The following SARNP variants were observed in gnomAD, a reference collection of about 807,000 sequenced individuals.
SARNP encodes the protein SAP domain containing ribonucleoprotein.
In SARNP, 5 loss-of-function variants were observed where a neutral mutation model predicts 38.1. The observed-to-expected ratio is 0.13, with a 90% CI of 0.07 to 0.28. The LOEUF is 0.28. Among genes scored for constraint, SARNP ranks in the 10% least tolerant of loss-of-function variants. SARNP has a pLI of 1.00. For missense variants in SARNP, 180 were observed against 243.9 expected, an observed-to-expected ratio of 0.74 and a Z score of 1.75; for synonymous variants, 84 against 80.6, an observed-to-expected ratio of 1.04 and a Z score of -0.23.
intron 9 of SARNP, among the ~76,000 whole-genome samples, chr12:55,785,576 G>A (rs1289110855): frequency 6.6e-6 from 1 of 151,750 alleles, no homozygotes; most frequent in Non-Finnish European, 1.5e-5. Flanking sequence ...ATCACTTGAG[G>A]CCAAAGTTGA....
At position 55,794,859 on chromosome 12, in the gene SARNP, G is replaced by A. The variant is rs1879774700; in HGVS notation, c.325C>T (p.Arg109Ter). 4 of 1,582,020 alleles carry A rather than the reference G, an allele frequency of 2.5e-6. No homozygotes were observed. The highest frequency in any genetic ancestry group is 8.6e-7 in the Non-Finnish European group (1 of 1,161,108). The change falls in exon 6 of 11, where the codon CGA (arginine) becomes TGA (stop). Residue 109 changes from arginine to a stop codon, truncating the protein, a stop_gained. Coordinates refer to ENST00000336133, the MANE Select transcript of SARNP (RefSeq NM_033082.4). LOFTEE classifies it high-confidence loss of function. ...QTERMQKRAERFNVPVSLESK... is the reference protein window; with the variant it reads ...QTERMQKRAE ...TCCAAGCTCACAGGTACATTGAATC[G>A]TTCAGCCCTCTTCTGCATTCTCTAA...
intron 1 of SARNP, among the ~76,000 whole-genome samples, chr12:55,808,911 C>G (rs982182946): frequency 1.3e-5 from 2 of 152,172 alleles, no homozygotes; most frequent in Non-Finnish European, 2.9e-5. Context: ...AATCTTATCC[C>G]ATTTTTCTAA....
intron 1 of SARNP, among the ~76,000 whole-genome samples, chr12:55,809,264 G>T (rs1352646484): frequency 6.6e-6 from 1 of 151,384 alleles, no homozygotes; most frequent in African/African-American, 2.4e-5. Context: ...TACGTGAATT[G>T]TATCTCAGTA....
rs560343139 is a variant in SARNP at position 55,757,403 on chromosome 12, T to C, written c.*109A>G. On this transcript the variant is annotated 3_prime_UTR_variant, in exon 11 of 11. Transcript: ENST00000336133. ...TGTACCTGGGGTACATGCTCCCTCA[T>C]TGCGAGGCAGGACGTAGGCACATGA... 3.2e-4 allele frequency: 269 copies of C among 828,266 alleles called. 2 individuals are homozygous for C. The East Asian group carries it at 6.4e-3, about 20-fold the overall frequency. 51.3% of individuals were successfully genotyped at this position (828,266 alleles called of 1,614,324 possible). A position where few individuals can be genotyped will look rare whatever the true frequency, so the allele number is the denominator to read the frequency against.
chr12:55,794,764 T>C (rs1468827585), intron 6 of SARNP, 43 bp downstream of exon 6: 3 of 1,144,240 alleles, frequency 2.6e-6, no homozygotes, highest in Non-Finnish European at 2.6e-6. Context: ...TCTTCATCTT[T>C]ACAACACCCC....
chr12:55,801,497 G>A (rs1001686074), intron 2 of SARNP, among the ~76,000 whole-genome samples: 4 of 152,060 alleles, frequency 2.6e-5, no homozygotes, highest in African/African-American at 9.7e-5. Flanking sequence ...TAGTGGTGGG[G>A]AAAGATTTGT....
chr12:55,761,504 A>G (rs1406694986), intron 9 of SARNP: 3 of 152,164 alleles, frequency 2.0e-5, no homozygotes, highest in Admixed American at 6.5e-5. Flanking sequence ...GCCATGGTCA[A>G]CTCTCTAAGA....
At chr12:55,800,941 A>T in intron 2 of SARNP, 41 bp from the exon 3 acceptor site, 1 of 1,522,202 alleles carries the variant, frequency 6.6e-7, no homozygotes, top group Non-Finnish European at 9.1e-7. Flanking sequence ...CCTGCTACAA[A>T]ACCATCTTGA....
chr12:55,778,157 T>G lies in SARNP; in HGVS notation c.501+10918A>C, dbSNP rs1449508232. On this transcript the variant is annotated intron_variant, in intron 9 of 10. Transcript: ENST00000336133. ...TGTTTCCTCTTTTTTTTAATTATTA[T>G]TATTTTTGAGAGCAAGTCTCTCTCT... Among the ~76,000 whole-genome samples, 4 of 152,132 alleles carry G rather than the reference T, an allele frequency of 2.6e-5. 1 individual carries two copies. Among genetic ancestry groups the G allele is most frequent in the Admixed American group, 2.6e-4 (4 of 15,270 alleles).
At chr12:55,766,096 T>TGG (rs754783401) in intron 9 of SARNP, among the ~76,000 whole-genome samples, 13 of 152,118 alleles carry the variant, frequency 8.5e-5, no homozygotes, top group Non-Finnish European at 1.8e-4. Context: ...AGTGCACAAA[T>TGG]GGGGTTGTGG....
downstream of SARNP, chr12:55,756,581 T>A (rs1246220119): frequency 6.6e-6 from 1 of 152,104 alleles, no homozygotes. Context: ...CAAAAATAGC[T>A]CAAACAAAAA....
At chr12:55,796,924 T>C (rs1879837717) in intron 4 of SARNP, among the ~76,000 whole-genome samples, 1 of 152,084 alleles carries the variant, frequency 6.6e-6, no homozygotes, top group East Asian at 1.9e-4. Context: ...AAGGGGAGTT[T>C]GAATTAGGAA....
intron 9 of SARNP, among the ~76,000 whole-genome samples, chr12:55,768,112 CCT>C (rs995850523): frequency 2.7e-5 from 4 of 150,868 alleles, no homozygotes; most frequent in East Asian, 1.9e-4. Context: ...TCCTTCCCTC[CCT>C]CTCTCTCTCT....
At chr12:55,806,113 T>C (rs1467101762) in intron 1 of SARNP, among the ~76,000 whole-genome samples, 2 of 151,796 alleles carry the variant, frequency 1.3e-5, no homozygotes, top group African/African-American at 2.4e-5. Context: ...CTGGAGAGCA[T>C]AGCCTCTGAA....
In SARNP at chr12:55,805,367, C is replaced by G. The variant is rs146743156; in HGVS notation, c.37-1639G>C. 3.5e-3 allele frequency among the ~76,000 whole-genome samples: 537 copies of G among 152,354 alleles called. 2 individuals are homozygous for G. Among genetic ancestry groups the G allele is most frequent in the African/African-American group, 0.012 (518 of 41,584 alleles). ...CTATGAACAGAACTGCCCAACCCAA[C>G]AAGCTGAAAGCAACCTCTACTGAGG... On this transcript the variant is annotated intron_variant, in intron 1 of 10. Transcript: ENST00000336133.
intron 7 of SARNP, 43 bp downstream of exon 7, chr12:55,794,316 G>A (rs370793340): frequency 6.5e-7 from 1 of 1,536,416 alleles, no homozygotes; most frequent in Admixed American, 1.7e-5. Context: ...AGAAAAGAAA[G>A]AATAAAAAGG....
At chr12:55,797,886 G>C (rs73119258) in intron 4 of SARNP, among the ~76,000 whole-genome samples, 4,557 of 152,068 alleles carry the variant, frequency 0.03, 98 homozygotes, top group Non-Finnish European at 0.045. Context: ...AATCAAAAAC[G>C]ATCACCCCAC....
intron 9 of SARNP, among the ~76,000 whole-genome samples, chr12:55,782,508 A>G (rs1280919350): frequency 1.3e-5 from 2 of 152,214 alleles, no homozygotes; most frequent in African/African-American, 2.4e-5. Flanking sequence ...GTTTTTACCA[A>G]AACTAATATC....
chr12:55,799,954 C>T (rs563423848), intron 4 of SARNP, among the ~76,000 whole-genome samples: 1 of 151,888 alleles, frequency 6.6e-6, no homozygotes, highest in South Asian at 2.1e-4. Context: ...CTTTGGGACG[C>T]CAAGGCAGAC....
Sources: gnomAD v4.1 joint callset for allele counts (sites outside exome capture counted in the v4.1 genomes callset) on GRCh38, gnomAD v4.1.1 for gene constraint, MANE v1.5 for transcripts, NCBI Gene and HGNC (gene_info 2026-07-23, HGNC 2026-07-21) for gene names.